The following METTL8 variants were observed in gnomAD, a reference collection of about 807,000 sequenced individuals.
METTL8 encodes the protein methyltransferase 8, tRNA N3-cytidine.
METTL8 carries 32 observed loss-of-function variants against 48.7 expected under a neutral mutation model. The ratio of observed to expected loss-of-function variants is 0.66; its 90% CI spans 0.50 to 0.88. METTL8 has a LOEUF of 0.88. Ranked by LOEUF, METTL8 falls within the 40% of genes least tolerant of loss-of-function variation. METTL8 has a pLI of 0.00. For synonymous variants in METTL8, 136 were observed against 157.1 expected, an observed-to-expected ratio of 0.87 and a Z score of 1.01; for missense variants, 464 against 474.4, an observed-to-expected ratio of 0.98 and a Z score of 0.20.
intron 2 of METTL8, among the ~76,000 whole-genome samples, chr2:171,374,232 C>A (rs2105510235): frequency 6.6e-6 from 1 of 152,268 alleles, no homozygotes; most frequent in Non-Finnish European, 1.5e-5. Context: ...GGAGTTTACT[C>A]ATGATTTGGC....
intron 3 of METTL8, among the ~76,000 whole-genome samples, chr2:171,346,807 T>C (rs1039710835): frequency 6.6e-6 from 1 of 152,222 alleles, no homozygotes; most frequent in African/African-American, 2.4e-5. Flanking sequence ...CTATTTACCT[T>C]GACCCATATT....
At chr2:171,342,852 G>A (rs1057098483) in intron 3 of METTL8, among the ~76,000 whole-genome samples, 3 of 152,164 alleles carry the variant, frequency 2.0e-5, no homozygotes, top group Non-Finnish European at 4.4e-5. Flanking sequence ...AGTGGGGTGG[G>A]GGAAGTACAG....
At chr2:171,371,311 G>A (rs555455001) in intron 2 of METTL8, among the ~76,000 whole-genome samples, 1 of 152,050 alleles carries the variant, frequency 6.6e-6, no homozygotes, top group Non-Finnish European at 1.5e-5. Flanking sequence ...TATTTCAGTT[G>A]GTTACTGTTA....
At chr2:171,330,468 CA>C in intron 7 of METTL8, 90 bp downstream of exon 7, 5 of 1,273,880 alleles carry the variant, frequency 3.9e-6, no homozygotes, top group Non-Finnish European at 5.5e-6. Context: ...ATAATAAATT[CA>C]AAAATTGTCA....
intron 1 of METTL8, among the ~76,000 whole-genome samples, chr2:171,408,175 T>A (rs545700767): frequency 1.2e-3 from 185 of 152,318 alleles, no homozygotes; most frequent in Middle Eastern, 0.01. Context: ...AACAACATAG[T>A]AAGAATATTT....
At chr2:171,404,098 T>TATGA (rs1689937635) in intron 1 of METTL8, among the ~76,000 whole-genome samples, 1 of 124,868 alleles carries the variant, frequency 8.0e-6, no homozygotes, top group Non-Finnish European at 1.7e-5. Context: ...TATATATATA[T>TATGA]ATGATAGTTT....
At chr2:171,353,198 C>T (rs530114853) in intron 3 of METTL8, among the ~76,000 whole-genome samples, 1 of 152,284 alleles carries the variant, frequency 6.6e-6, no homozygotes, top group South Asian at 2.1e-4. Context: ...CAAAGAACAT[C>T]TTTATTTCTG....
At chr2:171,337,198 T>C (rs1488159142) in intron 5 of METTL8, among the ~76,000 whole-genome samples, 1 of 152,136 alleles carries the variant, frequency 6.6e-6, no homozygotes, top group African/African-American at 2.4e-5. Context: ...CTCATCCATA[T>C]ACACATAAGC....
At chr2:171,365,346 T>C (rs1685604019) in intron 2 of METTL8, among the ~76,000 whole-genome samples, 1 of 152,210 alleles carries the variant, frequency 6.6e-6, no homozygotes, top group African/African-American at 2.4e-5. Flanking sequence ...AAACTGCCAA[T>C]GCTATACATC....
At chr2:171,353,533 C>T (rs991597276) in intron 3 of METTL8, among the ~76,000 whole-genome samples, 1 of 152,176 alleles carries the variant, frequency 6.6e-6, no homozygotes, top group Non-Finnish European at 1.5e-5. Context: ...TGTTAACTTT[C>T]TGTCTCATTG....
chr2:171,371,830 TTATTAC>T (rs1386747753), intron 2 of METTL8, among the ~76,000 whole-genome samples: 30 of 98,324 alleles, frequency 3.1e-4, no homozygotes, highest in Non-Finnish European at 5.4e-4. Context: ...ATTATTGTTA[TTATTAC>T]TATTATTATT....
At chr2:171,374,659 C>A (rs1686758629) in intron 2 of METTL8, among the ~76,000 whole-genome samples, 1 of 151,684 alleles carries the variant, frequency 6.6e-6, no homozygotes. Flanking sequence ...CACCCCTCCC[C>A]TTCTCCCCAC....
chr2:171,382,812 C>T (rs533336291), intron 2 of METTL8, among the ~76,000 whole-genome samples: 13 of 152,254 alleles, frequency 8.5e-5, no homozygotes, highest in South Asian at 2.1e-4. Context: ...GTGGCTCACG[C>T]CTGTAATCCC....
chr2:171,378,338 G>A (rs1687176536), intron 2 of METTL8, among the ~76,000 whole-genome samples: 1 of 152,146 alleles, frequency 6.6e-6, no homozygotes, highest in Non-Finnish European at 1.5e-5. Flanking sequence ...AAAAGACAAA[G>A]AAGGGCATTA....
intron 1 of METTL8, among the ~76,000 whole-genome samples, chr2:171,419,525 T>C (rs554516967): frequency 1.3e-5 from 2 of 152,294 alleles, no homozygotes; most frequent in South Asian, 4.1e-4. Flanking sequence ...TGTATAGTGG[T>C]TTCAGAATTA....
At chr2:171,332,435 C>G (rs894311020) in intron 5 of METTL8, 8 of 152,642 alleles carry the variant, frequency 5.2e-5, no homozygotes, top group African/African-American at 1.9e-4. Context: ...CAGATGTATG[C>G]CACTGTGCCT....
In METTL8 at chr2:171,427,931, G is replaced by A. The variant is rs540532067; in HGVS notation, c.-13+5952C>T. ...ACTTCCTATAGCTTAGTTAAAATTT[G>A]TCTCTGAATAAATGTTCAAGTTTAA... On this transcript the variant is annotated intron_variant, in intron 1 of 9. Coordinates refer to ENST00000375258, the MANE Select transcript of METTL8 (RefSeq NM_001321154.2). 1.5e-4 allele frequency among the ~76,000 whole-genome samples: 23 copies of A among 152,098 alleles called. 1 individual carries two copies. Among genetic ancestry groups the A allele is most frequent in the Non-Finnish European group, 3.4e-4 (23 of 68,002 alleles).
chr2:171,356,950 A>ATGTGTTTTTTTTTTT (rs1202277226), intron 3 of METTL8, among the ~76,000 whole-genome samples: 52 of 4,752 alleles, frequency 0.011, 1 homozygote, highest in African/African-American at 0.015. Flanking sequence ...TTCAAAGACA[A>ATGTGTTTTTTTTTTT]TATTTTTTTT....
At chr2:171,326,784 T>C (rs1559043807) in intron 7 of METTL8, among the ~76,000 whole-genome samples, 1 of 152,232 alleles carries the variant, frequency 6.6e-6, no homozygotes, top group South Asian at 2.1e-4. Context: ...CCAACCCCTA[T>C]CTCCTTAGGC....
Sources: gnomAD v4.1 joint callset for allele counts (sites outside exome capture counted in the v4.1 genomes callset) on GRCh38, gnomAD v4.1.1 for gene constraint, MANE v1.5 for transcripts, NCBI Gene and HGNC (gene_info 2026-07-23, HGNC 2026-07-21) for gene names.